Variants in MYCBP2 observed in about 807,000 individuals in gnomAD.
The protein encoded by MYCBP2 is MYC binding protein 2.
MYCBP2 carries 120 observed loss-of-function variants against 525.3 expected under a neutral mutation model. The ratio of observed to expected loss-of-function variants is 0.23; its 90% CI spans 0.20 to 0.27. The LOEUF is 0.27. Among genes scored for constraint, MYCBP2 ranks in the 10% least tolerant of loss-of-function variants. The pLI, the probability that MYCBP2 is intolerant of heterozygous loss-of-function variation, is 1.00. For synonymous variants in MYCBP2, 1,894 were observed against 1,955.8 expected (o/e 0.97, Z 0.83); for missense variants, 4,149 against 5,657.1 (o/e 0.73, Z 8.55).
intron 47 of MYCBP2, among the ~76,000 whole-genome samples, chr13:77,149,821 T>C (rs2056188629): frequency 6.6e-6 from 1 of 152,204 alleles, no homozygotes; most frequent in African/African-American, 2.4e-5. Flanking sequence ...CTATTGAATC[T>C]ATCCTCATTG....
chr13:77,101,045 G>A (rs1023049995), intron 55 of MYCBP2, among the ~76,000 whole-genome samples: 2 of 151,974 alleles, frequency 1.3e-5, no homozygotes, highest in African/African-American at 2.4e-5. Flanking sequence ...CAGTAGTCAT[G>A]GCCATTAATT....
In MYCBP2 at chr13:77,263,689, A is replaced by C. The variant is rs1567091572; in HGVS notation, c.1532T>G (p.Ile511Ser). The change falls in exon 10 of 83, where the codon ATC becomes AGC. Residue 511 changes from isoleucine (I) to serine (S), a missense_variant. Coordinates refer to ENST00000544440, the MANE Select transcript of MYCBP2 (RefSeq NM_015057.5). ...GTCCTTTTCCAGATCGAATAGTGAG[A>C]TACCACAGGCATGTAAGCATTTTCT... ...LARKCLHACG[I>S]SLFDLEKDLH... The C allele has an allele frequency of 6.2e-7, 1 of 1,612,926 alleles. No individual in the cohort carries two copies.
chr13:77,084,058 T>C (rs951196749), intron 62 of MYCBP2, among the ~76,000 whole-genome samples: 1 of 152,146 alleles, frequency 6.6e-6, no homozygotes, highest in Non-Finnish European at 1.5e-5. Context: ...AAAAATACCA[T>C]AGTTTATTTC....
At chr13:77,160,224 G>A (rs956212861) in intron 44 of MYCBP2, among the ~76,000 whole-genome samples, 1 of 152,060 alleles carries the variant, frequency 6.6e-6, no homozygotes, top group Non-Finnish European at 1.5e-5. Context: ...GCGCCACCAC[G>A]CCCAGCTAAT....
In MYCBP2 at chr13:77,211,832, A is replaced by T. The variant is rs2064053307; in HGVS notation, c.3262+124T>A. 4 of 757,250 alleles carry T rather than the reference A, an allele frequency of 5.3e-6. No individual in the cohort carries two copies. In the South Asian group the frequency reaches 7.6e-5, roughly 14 times the overall value. The allele number at this position is 757,250 out of a possible 1,614,324, so 46.9% of individuals were successfully genotyped here. A position where few individuals can be genotyped will look rare whatever the true frequency, so the allele number is the denominator to read the frequency against. On this transcript the variant is annotated intron_variant, in intron 22 of 82. Coordinates refer to ENST00000544440, the MANE Select transcript of MYCBP2 (RefSeq NM_015057.5). ...GGAGACATTTACAGGCTTTGTTTAA[A>T]TTTCTTTGAGCAGAAAGAAAACAAA...
intron 17 of MYCBP2, among the ~76,000 whole-genome samples, chr13:77,240,151 G>T (rs1244118839): frequency 1.3e-5 from 2 of 152,078 alleles, no homozygotes; most frequent in Admixed American, 6.5e-5. Flanking sequence ...GGAGTGCTAA[G>T]AATAATATAA....
chr13:77,066,466 T>A (rs1351390666), intron 71 of MYCBP2, among the ~76,000 whole-genome samples: 1 of 152,220 alleles, frequency 6.6e-6, no homozygotes, highest in Non-Finnish European at 1.5e-5. Context: ...CTAGCAAGAC[T>A]ACAGGAAAGA....
intron 26 of MYCBP2, among the ~76,000 whole-genome samples, chr13:77,199,284 G>T (rs916947841): frequency 6.6e-6 from 1 of 152,318 alleles, no homozygotes; most frequent in South Asian, 2.1e-4. Context: ...GGTGACAGAC[G>T]GCACCTGGAA....
chr13:77,317,450 G>T (rs1472908113), intron 1 of MYCBP2, among the ~76,000 whole-genome samples: 2 of 152,196 alleles, frequency 1.3e-5, no homozygotes, highest in Admixed American at 1.3e-4. Context: ...GCTATGCGGA[G>T]CCACTCCTAA....
At chr13:77,046,482 C>A (rs903306098) in intron 82 of MYCBP2, among the ~76,000 whole-genome samples, 1 of 152,156 alleles carries the variant, frequency 6.6e-6, no homozygotes, top group African/African-American at 2.4e-5. Flanking sequence ...TTTACCTTTT[C>A]TAGGTTTAAA....
At chr13:77,090,358 C>A in intron 59 of MYCBP2, 95 bp from the exon 60 acceptor site, 1 of 1,024,562 alleles carries the variant, frequency 9.8e-7, no homozygotes, top group Non-Finnish European at 1.4e-6. Context: ...CTCAATATTT[C>A]ATGTGGAGAA....
chr13:77,267,822 A>G lies in MYCBP2; in HGVS notation c.1357+19T>C. 1.3e-6 allele frequency: 2 copies of G among 1,585,822 alleles called. No individual in the cohort carries two copies. The highest frequency in any genetic ancestry group is 1.7e-6 in the Non-Finnish European group (2 of 1,154,958). On this transcript the variant is annotated intron_variant, in intron 8 of 82. Transcript: ENST00000544440. ...TCTTAAAATTGCTTGTGGAGAAAAAATGACTACTTGAAACATACCTGGTAA... is the reference window on the plus strand; with the variant it reads ...TCTTAAAATTGCTTGTGGAGAAAAAGTGACTACTTGAAACATACCTGGTAA...
chr13:77,221,309 G>A (rs530593867), intron 20 of MYCBP2, among the ~76,000 whole-genome samples: 1 of 152,122 alleles, frequency 6.6e-6, no homozygotes, highest in Non-Finnish European at 1.5e-5. Context: ...CTTCAGACTT[G>A]GGAATCGAAG....
chr13:77,185,051 G>C lies in MYCBP2; in HGVS notation c.4719+52C>G. The C allele has an allele frequency of 3.3e-6, 5 of 1,510,704 alleles. No homozygotes were observed. In the South Asian group the frequency reaches 6.0e-5, roughly 18 times the overall value. 93.6% of individuals were successfully genotyped at this position (1,510,704 alleles called of 1,614,324 possible). A position where few individuals can be genotyped will look rare whatever the true frequency, so the allele number is the denominator to read the frequency against. ...CAACTGCAATTTATTTTCTTGAAGA[G>C]TATTAAGCAATATATCAGATTTTCA... is the stretch of plus-strand genomic sequence containing the variant. On this transcript the variant is annotated intron_variant, in intron 32 of 82. Transcript: ENST00000544440.
intron 55 of MYCBP2, among the ~76,000 whole-genome samples, chr13:77,110,350 A>T (rs1017387125): frequency 1.3e-5 from 2 of 152,156 alleles, no homozygotes; most frequent in African/African-American, 4.8e-5. Flanking sequence ...CAGTACCCTC[A>T]GGCTCAGAAG....
intron 54 of MYCBP2, among the ~76,000 whole-genome samples, chr13:77,124,188 T>C (rs1329531035): frequency 6.6e-6 from 1 of 152,170 alleles, no homozygotes; most frequent in Non-Finnish European, 1.5e-5. Context: ...TCACCAGCTG[T>C]ACAACCATAG....
In MYCBP2 at chr13:77,169,725, G is replaced by T. The variant is rs183677654; in HGVS notation, c.5795-11C>A. ...CTGGAATGTCATCAGCTAAAAAAAGGCATAAAAGGCATTAAAACTATAGTC... is the reference window on the plus strand; with the variant it reads ...CTGGAATGTCATCAGCTAAAAAAAGTCATAAAAGGCATTAAAACTATAGTC... On this transcript the variant is annotated splice_polypyrimidine_tract_variant and intron_variant, in intron 38 of 82. Coordinates refer to ENST00000544440, the MANE Select transcript of MYCBP2 (RefSeq NM_015057.5). 1.1e-5 allele frequency: 17 copies of T among 1,597,064 alleles called. No individual in the cohort carries two copies.
Position 77,096,399 on chromosome 13 carries a change from A to G in MYCBP2, c.9867T>C (p.Gly3289=), listed in dbSNP as rs2046266580. The change falls in exon 57 of 83, where the codon GGT becomes GGC. Residue 3289 remains glycine, a synonymous_variant. Transcript: ENST00000544440. ...CGGWAGNCGD[G]GIGGSTWYLV... is the part of the protein sequence containing the mutation. The stretch of plus-strand genomic sequence containing the variant: ...GATACCAAGTGCTTCCTCCTATGCC[A>G]CCATCACCACAGTTACCAGCCCATC... 1 of 1,613,326 alleles carries G rather than the reference A, an allele frequency of 6.2e-7. No individual in the cohort carries two copies. Among genetic ancestry groups the G allele is most frequent in the Non-Finnish European group, 8.5e-7 (1 of 1,179,630 alleles).
intron 55 of MYCBP2, chr13:77,118,424 G>A: frequency 1.3e-6 from 1 of 764,694 alleles, no homozygotes; most frequent in Non-Finnish European, 2.4e-6. Flanking sequence ...TTTGCAGCTT[G>A]ATCAAAGATG....
Sources: allele counts gnomAD v4.1 joint callset (sites outside exome capture counted in the v4.1 genomes callset), GRCh38; gene constraint gnomAD v4.1.1; transcripts MANE v1.5; gene names NCBI Gene and HGNC (gene_info 2026-07-23, HGNC 2026-07-21).